Variants in SLC25A27 observed in about 807,000 individuals in gnomAD.
SLC25A27 encodes mitochondrial uncoupling protein 4.
A neutral mutation model predicts 49.1 loss-of-function variants in SLC25A27; 35 were observed. That is an observed-to-expected ratio of 0.71 (90% CI 0.54 to 0.95). The LOEUF is 0.95. Ranked by LOEUF, SLC25A27 falls within the 40% of genes least tolerant of loss-of-function variation. The pLI is 0.00. For synonymous variants in SLC25A27, 144 were observed against 136.9 expected (o/e 1.05, Z -0.36); for missense variants, 339 against 397.1 (o/e 0.85, Z 1.24).
intron 1 of SLC25A27, among the ~76,000 whole-genome samples, chr6:46,654,574 A>C (rs1219202524): frequency 6.6e-6 from 1 of 152,218 alleles, no homozygotes; most frequent in Non-Finnish European, 1.5e-5. Flanking sequence ...TTGTGTGTGG[A>C]GAATGGATGG....
chr6:46,665,814 C>T (rs143409162), intron 5 of SLC25A27, among the ~76,000 whole-genome samples: 22 of 152,316 alleles, frequency 1.4e-4, no homozygotes, highest in African/African-American at 5.1e-4. Flanking sequence ...TAACTTGTCT[C>T]CTCTTCCATC....
At position 46,676,944 on chromosome 6, in the gene SLC25A27, G is replaced by A. The variant is rs192919671; in HGVS notation, c.*490G>A. 4.0e-5 allele frequency: 16 copies of A among 402,576 alleles called. No individual in the cohort carries two copies. Among genetic ancestry groups the A allele is most frequent in the East Asian group, 7.4e-5 (2 of 26,926 alleles). The allele number at this position is 402,576 out of a possible 1,614,324, so 24.9% of individuals were successfully genotyped here. A position where few individuals can be genotyped will look rare whatever the true frequency, so the allele number is the denominator to read the frequency against. On this transcript the variant is annotated 3_prime_UTR_variant, in exon 9 of 9. Coordinates refer to ENST00000371347, the MANE Select transcript of SLC25A27 (RefSeq NM_004277.5). ...TTCACTTTTCTGTCATTGTTAAAGCGTACATACTGTAAATTAAAGGGAGGT... is the reference window on the plus strand; with the variant it reads ...TTCACTTTTCTGTCATTGTTAAAGCATACATACTGTAAATTAAAGGGAGGT...
At chr6:46,663,054 T>A (rs1332025034) in intron 4 of SLC25A27, among the ~76,000 whole-genome samples, 1 of 152,210 alleles carries the variant, frequency 6.6e-6, no homozygotes, top group African/African-American at 2.4e-5. Context: ...GCCCTCTTTT[T>A]CCCTAATATG....
intron 8 of SLC25A27, among the ~76,000 whole-genome samples, chr6:46,675,652 T>A (rs1047808999): frequency 2.0e-5 from 3 of 152,198 alleles, no homozygotes; most frequent in African/African-American, 7.2e-5. Flanking sequence ...CAGGAATTAT[T>A]AGATCCAAGG....
chr6:46,656,162 CAT>C (rs1039691574), intron 2 of SLC25A27, 128 bp downstream of exon 2: 1 of 646,718 alleles, frequency 1.5e-6, no homozygotes, highest in Non-Finnish European at 2.5e-6. Context: ...ACATACAGCA[CAT>C]AGTCTTTTTT....
chr6:46,675,115 C>A (rs984226030), intron 8 of SLC25A27, among the ~76,000 whole-genome samples: 1 of 152,180 alleles, frequency 6.6e-6, no homozygotes, highest in African/African-American at 2.4e-5. Flanking sequence ...ATCTCCCACT[C>A]TTTAAAAACT....
chr6:46,660,866 G>T (rs143860361), intron 3 of SLC25A27, among the ~76,000 whole-genome samples: 17 of 152,240 alleles, frequency 1.1e-4, no homozygotes, highest in South Asian at 6.2e-4. Context: ...CTTGCGTTTT[G>T]GAATTTCTTC....
rs575867381 is a variant in SLC25A27 at position 46,669,592 on chromosome 6, G to A, written c.705-543G>A. On this transcript the variant is annotated intron_variant, in intron 6 of 8. Transcript: ENST00000371347. ...GAGGTAGGGGTGTGTGTGTGCACGC[G>A]CATGCACACACGCATGTGAATTTAA... 1.8e-4 allele frequency among the ~76,000 whole-genome samples: 27 copies of A among 152,246 alleles called. No individual in the cohort carries two copies. In the South Asian group the frequency reaches 1.9e-3, roughly 11 times the overall value.
intron 5 of SLC25A27, among the ~76,000 whole-genome samples, chr6:46,667,799 A>G (rs1031713246): frequency 6.6e-6 from 1 of 152,152 alleles, no homozygotes; most frequent in Non-Finnish European, 1.5e-5. Flanking sequence ...CAGGGCATTT[A>G]CTTCAAGAGC....
chr6:46,665,027 A>G, intron 5 of SLC25A27, 141 bp downstream of exon 5: 1 of 461,346 alleles, frequency 2.2e-6, no homozygotes, highest in Non-Finnish European at 3.8e-6. Flanking sequence ...TAGATGTTCT[A>G]GGTCATAACT....
intron 3 of SLC25A27, among the ~76,000 whole-genome samples, chr6:46,660,111 A>G (rs1277903238): frequency 6.6e-6 from 1 of 152,128 alleles, no homozygotes; most frequent in Admixed American, 6.5e-5. Flanking sequence ...GATCTGCAAT[A>G]TCTGGCCTGT....
At chr6:46,664,728 C>A in intron 4 of SLC25A27, 46 bp from the exon 5 acceptor site, 1 of 1,061,590 alleles carries the variant, frequency 9.4e-7, no homozygotes, top group Non-Finnish European at 1.4e-6. Flanking sequence ...GAATTTCATA[C>A]ACAGGAATAC....
intron 4 of SLC25A27, among the ~76,000 whole-genome samples, chr6:46,662,737 A>G (rs577320202): frequency 3.3e-4 from 51 of 152,314 alleles, no homozygotes; most frequent in African/African-American, 1.0e-3. Flanking sequence ...TTCCCAGCCA[A>G]GGCTAGACTT....
chr6:46,672,182 A>G (rs1304354906), intron 8 of SLC25A27, among the ~76,000 whole-genome samples: 1 of 152,150 alleles, frequency 6.6e-6, no homozygotes, highest in Non-Finnish European at 1.5e-5. Context: ...CAAAATGAGT[A>G]TGACTTAGCC....
At chr6:46,662,351 A>G in intron 3 of SLC25A27, 25 bp from the exon 4 acceptor site, 1 of 1,610,672 alleles carries the variant, frequency 6.2e-7, no homozygotes, top group Non-Finnish European at 8.5e-7. Context: ...TGGCAACTTT[A>G]AAAAGAATTT....
intron 8 of SLC25A27, among the ~76,000 whole-genome samples, chr6:46,672,743 C>T (rs1447662238): frequency 6.6e-6 from 1 of 152,122 alleles, no homozygotes; most frequent in East Asian, 1.9e-4. Flanking sequence ...ACCCATAGGA[C>T]ATCCAAGCAG....
At chr6:46,653,988 C>T (rs1044024479) in intron 1 of SLC25A27, 1 of 687,134 alleles carries the variant, frequency 1.5e-6, no homozygotes, top group South Asian at 6.5e-5. Flanking sequence ...TAATGTGCTA[C>T]TTGTTATAAT....
At chr6:46,667,310 T>G (rs1054618701) in intron 5 of SLC25A27, among the ~76,000 whole-genome samples, 4 of 152,204 alleles carry the variant, frequency 2.6e-5, no homozygotes, top group Non-Finnish European at 5.9e-5. Flanking sequence ...ACTCCCTAAT[T>G]CAAGTCGTCA....
In SLC25A27 at chr6:46,666,392, A is replaced by G. The variant is rs565903157; in HGVS notation, c.619+1506A>G. On this transcript the variant is annotated intron_variant, in intron 5 of 8. Transcript: ENST00000371347. The stretch of plus-strand genomic sequence containing the variant: ...TACGTAGTCAATAAACATTTGAAGA[A>G]TGAATTAATGAAATAATCCTTTCTA... Among the ~76,000 whole-genome samples, 6 of 152,376 alleles carry G rather than the reference A, an allele frequency of 3.9e-5. No homozygotes were observed. The South Asian group carries it at 1.2e-3, about 32-fold the overall frequency.
Sources: allele counts gnomAD v4.1 joint callset (sites outside exome capture counted in the v4.1 genomes callset), GRCh38; gene constraint gnomAD v4.1.1; transcripts MANE v1.5; gene names NCBI Gene and HGNC (gene_info 2026-07-23, HGNC 2026-07-21).